TRAK1: variants seen among roughly 807,000 people sequenced by gnomAD.
TRAK1 encodes the protein trafficking kinesin protein 1, also known as trafficking kinesin-binding protein 1.
Under a neutral mutation model 92.1 loss-of-function variants are expected in TRAK1, and 33 were observed. The ratio of observed to expected loss-of-function variants is 0.36; its 90% CI spans 0.27 to 0.48. TRAK1 has a LOEUF of 0.48. Ranked by LOEUF, TRAK1 falls within the 20% of genes least tolerant of loss-of-function variation. TRAK1 has a pLI of 0.99. For missense variants in TRAK1, 1,123 were observed against 1,257.9 expected (o/e 0.89, Z 1.62); for synonymous variants, 521 against 517.3 (o/e 1.01, Z -0.10).
At chr3:42,123,631 C>G (rs564074271) in intron 1 of TRAK1, among the ~76,000 whole-genome samples, 1 of 152,330 alleles carries the variant, frequency 6.6e-6, no homozygotes, top group African/African-American at 2.4e-5. Context: ...TTAGGAATAC[C>G]TCATACTTTT....
intron 2 of TRAK1, among the ~76,000 whole-genome samples, chr3:42,168,185 G>A (rs1702101848): frequency 6.6e-6 from 1 of 152,178 alleles, no homozygotes; most frequent in South Asian, 2.1e-4. Flanking sequence ...TCTAAGTGGG[G>A]CAGATTAGTA....
intron 6 of TRAK1, 132 bp from the exon 7 acceptor site, chr3:42,191,426 T>C (rs1705718300): frequency 1.5e-6 from 1 of 656,830 alleles, no homozygotes; most frequent in Non-Finnish European, 2.6e-6. Context: ...GAGGGTACGA[T>C]GGGTGACAGG....
intron 2 of TRAK1, among the ~76,000 whole-genome samples, chr3:42,132,031 T>C (rs901702922): frequency 2.6e-5 from 4 of 151,748 alleles, no homozygotes; most frequent in African/African-American, 9.7e-5. Context: ...ATCGTGCCAC[T>C]GCACTCCAGC....
At position 42,223,073 on chromosome 3, in the gene TRAK1, C is replaced by T. The variant is rs1238485003; in HGVS notation, c.2198C>T (p.Thr733Ile). ...SFTNTRESTT[T>I]MSTSLGLVWL... ...ACTAACACCCGTGAGTCCACGACCA[C>T]CATGAGCACATCCCTGGGGCTCGTG... Residue 733 changes from threonine to isoleucine, a missense_variant, in exon 16 of 16, where the codon ACC (threonine) becomes ATC (isoleucine). Physicochemically the swap from Thr to Ile is moderately conservative, Grantham distance 89. Coordinates refer to ENST00000327628, the MANE Select transcript of TRAK1 (RefSeq NM_001042646.3). This position sits in a 1 kb window ranked among gnomAD's most constrained non-coding sequence, Gnocchi z 6.1. The T allele has an allele frequency of 6.2e-7, 1 of 1,614,138 alleles. No individual in the cohort carries two copies. The highest frequency in any genetic ancestry group is 1.7e-5 in the Admixed American group (1 of 60,036).
intron 1 of TRAK1, among the ~76,000 whole-genome samples, chr3:42,099,618 T>A (rs535199900): frequency 4.8e-4 from 73 of 152,320 alleles, no homozygotes; most frequent in African/African-American, 1.8e-3. Context: ...GGGAGAGTCA[T>A]GCTGAGGGGC....
At chr3:42,066,363 T>C (rs1703677033) in intron 1 of TRAK1, among the ~76,000 whole-genome samples, 1 of 152,162 alleles carries the variant, frequency 6.6e-6, no homozygotes. Context: ...GGGGAAGCTC[T>C]GAAGTGTGTT....
chr3:42,065,141 A>T (rs1052116104), intron 1 of TRAK1, among the ~76,000 whole-genome samples: 9 of 151,972 alleles, frequency 5.9e-5, no homozygotes, highest in African/African-American at 2.2e-4. Flanking sequence ...AACCCCAGCT[A>T]CTCTGGAGTC....
intron 1 of TRAK1, among the ~76,000 whole-genome samples, chr3:42,095,001 T>A (rs955145330): frequency 6.6e-6 from 1 of 152,232 alleles, no homozygotes; most frequent in Admixed American, 6.5e-5. Flanking sequence ...TCACTCACAG[T>A]AAGGAGGCAT....
intron 4 of TRAK1, among the ~76,000 whole-genome samples, chr3:42,185,128 A>T (rs958656719): frequency 2.6e-5 from 4 of 152,044 alleles, no homozygotes; most frequent in African/African-American, 9.7e-5. Flanking sequence ...GAGAGTCTAG[A>T]CTCTAACGAT....
chr3:42,042,562 G>T (rs561163613), intron 1 of TRAK1, among the ~76,000 whole-genome samples: 15 of 151,862 alleles, frequency 9.9e-5, no homozygotes, highest in African/African-American at 2.9e-4. Context: ...GTAGAGATGG[G>T]GTTTTGCCAT....
chr3:42,016,430 CTT>C (rs1166472960), intron 1 of TRAK1, among the ~76,000 whole-genome samples: 2 of 152,208 alleles, frequency 1.3e-5, no homozygotes, highest in African/African-American at 2.4e-5. Context: ...GTCTCAAACT[CTT>C]GACCTCGAGT....
At chr3:42,204,295 TC>T (rs1278652017) in intron 13 of TRAK1, 1 of 956,304 alleles carries the variant, frequency 1.0e-6, no homozygotes, top group Non-Finnish European at 1.2e-6. Flanking sequence ...TTTCATTAGA[TC>T]ATCTAAGAAT....
intron 1 of TRAK1, among the ~76,000 whole-genome samples, chr3:42,108,174 C>G (rs952425922): frequency 3.3e-5 from 5 of 152,000 alleles, no homozygotes; most frequent in African/African-American, 7.2e-5. Context: ...ATGTGTCTAC[C>G]ATGTCTCCTT....
chr3:42,208,355 AT>A (rs1455737696), intron 13 of TRAK1, among the ~76,000 whole-genome samples: 1 of 151,408 alleles, frequency 6.6e-6, no homozygotes, highest in Non-Finnish European at 1.5e-5. Flanking sequence ...TCATTTATAA[AT>A]CCCTTTCAAG....
chr3:42,045,950 A>G lies in TRAK1; in HGVS notation c.-519+31833A>G, dbSNP rs543313429. Among the ~76,000 whole-genome samples, 24 of 152,342 alleles carry G rather than the reference A, an allele frequency of 1.6e-4. No individual in the cohort carries two copies. In the East Asian group the frequency reaches 4.1e-3, roughly 26 times the overall value. ...AGGCCTATATTCCAGGGCCATTGCT[A>G]TAATTGCCTATTAGCATATACAGAC... On this transcript the variant is annotated intron_variant, in intron 1 of 16. Coordinates refer to the TRAK1 transcript ENST00000487159.
At chr3:42,090,678 C>A (rs947410530), upstream of TRAK1, among the ~76,000 whole-genome samples, 1 of 152,070 alleles carries the variant, frequency 6.6e-6, no homozygotes, top group African/African-American at 2.4e-5. Context: ...GTGAGACTCT[C>A]TCAAAAAAAC....
Position 42,125,457 on chromosome 3 carries a change from C to T in TRAK1, c.129C>T (p.Ile43=). The T allele has an allele frequency of 6.2e-7, 1 of 1,614,180 alleles. No individual in the cohort carries two copies. The highest frequency in any genetic ancestry group is 8.5e-7 in the Non-Finnish European group (1 of 1,180,026). The change falls in exon 2 of 16, where the codon ATC becomes ATT. Residue 43 remains isoleucine (I), a synonymous_variant. Transcript: ENST00000327628. ...GCACCGATCTTCCGGAAGTCGAGAT[C>T]ATTAGCCTGCTGGAGGAGCAGCTGC... ...CNSTDLPEVE[I]ISLLEEQLPH...
At chr3:42,068,408 C>T (rs140420397) in intron 1 of TRAK1, among the ~76,000 whole-genome samples, 5 of 152,294 alleles carry the variant, frequency 3.3e-5, no homozygotes, top group Non-Finnish European at 5.9e-5. Context: ...TTAAATGATC[C>T]TTCAGCCTTG....
intron 8 of TRAK1, 109 bp downstream of exon 8, chr3:42,193,314 G>A (rs906320567): frequency 5.8e-5 from 85 of 1,457,972 alleles, no homozygotes; most frequent in Non-Finnish European, 7.6e-5. Context: ...TTAGCAGTTC[G>A]TGTTGCCGCT....
Sources: gnomAD v4.1 joint callset for allele counts (sites outside exome capture counted in the v4.1 genomes callset) on GRCh38, gnomAD v4.1.1 for gene constraint, Gnocchi (gnomAD v3.1) non-coding constraint, MANE v1.5 for transcripts, NCBI Gene and HGNC (gene_info 2026-07-23, HGNC 2026-07-21) for gene names.